Variants in XRCC4 observed in about 807,000 individuals in gnomAD.
XRCC4 encodes DNA repair protein XRCC4.
In XRCC4, 28 loss-of-function variants were observed where a neutral mutation model predicts 39.1. The observed-to-expected ratio is 0.72, with a 90% CI of 0.53 to 0.98. The LOEUF is 0.98. XRCC4 is among the 50% of genes least tolerant of loss of function. The pLI is 0.00. For missense variants in XRCC4, 350 were observed against 376.4 expected (o/e 0.93, Z 0.58); for synonymous variants, 123 against 126.4 (o/e 0.97, Z 0.18).
intron 6 of XRCC4, among the ~76,000 whole-genome samples, chr5:83,254,914 G>GT (rs1753473851): frequency 2.6e-5 from 4 of 151,766 alleles, no homozygotes; most frequent in African/African-American, 9.7e-5. Context: ...TGGTGAAACC[G>GT]TGTCTCTACT....
intron 6 of XRCC4, among the ~76,000 whole-genome samples, chr5:83,213,691 A>C (rs1751740635): frequency 6.6e-6 from 1 of 152,176 alleles, no homozygotes; most frequent in African/African-American, 2.4e-5. Flanking sequence ...AGGAGGAGCG[A>C]ACACTTCCCA....
intron 3 of XRCC4, among the ~76,000 whole-genome samples, chr5:83,168,451 C>T (rs755728827): frequency 6.6e-6 from 1 of 152,090 alleles, no homozygotes; most frequent in Non-Finnish European, 1.5e-5. Context: ...ACGCCTCTCT[C>T]AAAAACCAAT....
intron 7 of XRCC4, among the ~76,000 whole-genome samples, chr5:83,296,702 T>A (rs1755107298): frequency 6.6e-6 from 1 of 151,998 alleles, no homozygotes; most frequent in South Asian, 2.1e-4. Flanking sequence ...ATTAAAAATT[T>A]GGCCCTCTGG....
chr5:83,296,277 C>T (rs1263243940), intron 7 of XRCC4, among the ~76,000 whole-genome samples: 1 of 152,114 alleles, frequency 6.6e-6, no homozygotes, highest in Non-Finnish European at 1.5e-5. Flanking sequence ...CTTGAAGTCA[C>T]ATTTTCCCTT....
chr5:83,313,104 A>G (rs1755762576), intron 7 of XRCC4, among the ~76,000 whole-genome samples: 1 of 150,276 alleles, frequency 6.7e-6, no homozygotes, highest in Non-Finnish European at 1.5e-5. Context: ...TTACAATAAA[A>G]GTAACAATAC....
At chr5:83,168,764 AAAAG>A (rs1749597916) in intron 3 of XRCC4, among the ~76,000 whole-genome samples, 1 of 152,238 alleles carries the variant, frequency 6.6e-6, no homozygotes, top group African/African-American at 2.4e-5. Context: ...AGAAGACATT[AAAAG>A]AAAGATTATG....
intron 6 of XRCC4, among the ~76,000 whole-genome samples, chr5:83,220,682 T>C (rs1238346582): frequency 2.0e-5 from 3 of 152,040 alleles, no homozygotes; most frequent in Non-Finnish European, 4.4e-5. Context: ...TCAAGCCTTG[T>C]GGTAAAACTC....
intron 1 of XRCC4, among the ~76,000 whole-genome samples, chr5:83,100,686 G>T (rs1387742467): frequency 1.3e-5 from 2 of 152,058 alleles, no homozygotes; most frequent in Non-Finnish European, 2.9e-5. Context: ...AAAATGCTAT[G>T]CCACAAGTAG....
intron 3 of XRCC4, among the ~76,000 whole-genome samples, chr5:83,183,415 TGTG>T (rs1238180930): frequency 5.9e-5 from 2 of 33,894 alleles, no homozygotes; most frequent in Non-Finnish European, 1.1e-4. Flanking sequence ...CATTTATTTG[TGTG>T]TGTGTGTGTG....
chr5:83,238,001 T>C (rs1752755483), intron 6 of XRCC4, among the ~76,000 whole-genome samples: 1 of 152,166 alleles, frequency 6.6e-6, no homozygotes, highest in Non-Finnish European at 1.5e-5. Flanking sequence ...GGAATTAATC[T>C]TAGTAGAAAT....
intron 7 of XRCC4, among the ~76,000 whole-genome samples, chr5:83,321,844 T>G (rs1756086629): frequency 6.6e-6 from 1 of 151,864 alleles, no homozygotes; most frequent in African/African-American, 2.4e-5. Context: ...GTAATGTTCC[T>G]TATTATCCAT....
chr5:83,129,119 T>G (rs532286975), intron 3 of XRCC4, among the ~76,000 whole-genome samples: 1 of 151,944 alleles, frequency 6.6e-6, no homozygotes, highest in South Asian at 2.1e-4. Context: ...GTCTAATGTT[T>G]AAGTCTTTAA....
At chr5:83,080,640 T>C (rs1164506192) in intron 1 of XRCC4, among the ~76,000 whole-genome samples, 3 of 152,204 alleles carry the variant, frequency 2.0e-5, no homozygotes, top group African/African-American at 7.2e-5. Flanking sequence ...CCATGAATCA[T>C]CTCCTTGTTT....
chr5:83,299,297 C>T (rs1216466185), intron 7 of XRCC4, among the ~76,000 whole-genome samples: 1 of 151,998 alleles, frequency 6.6e-6, no homozygotes, highest in Non-Finnish European at 1.5e-5. Context: ...GGCGGTAATC[C>T]ATCTTTTCTT....
chr5:83,172,012 T>G (rs1422873127), intron 3 of XRCC4, among the ~76,000 whole-genome samples: 3 of 152,152 alleles, frequency 2.0e-5, no homozygotes, highest in Non-Finnish European at 4.4e-5. Context: ...TATTGAAAAA[T>G]CTTAAAATGT....
chr5:83,217,352 C>T (rs1169659016), intron 6 of XRCC4, among the ~76,000 whole-genome samples: 1 of 108,510 alleles, frequency 9.2e-6, no homozygotes, highest in African/African-American at 4.8e-5. Flanking sequence ...GAGCAAGACT[C>T]CGTCTCAAAA....
At chr5:83,090,074 A>G (rs535298194) in intron 1 of XRCC4, among the ~76,000 whole-genome samples, 1 of 152,240 alleles carries the variant, frequency 6.6e-6, no homozygotes, top group Admixed American at 6.5e-5. Context: ...TTTTTGAGAC[A>G]GGGTTTCACT....
intron 7 of XRCC4, among the ~76,000 whole-genome samples, chr5:83,279,488 T>C (rs1048787272): frequency 3.9e-5 from 6 of 152,214 alleles, no homozygotes; most frequent in Admixed American, 3.3e-4. Context: ...AAGTTTTTAC[T>C]TTAAATATGT....
At chr5:83,083,557 T>C (rs1745053145) in intron 1 of XRCC4, among the ~76,000 whole-genome samples, 1 of 151,966 alleles carries the variant, frequency 6.6e-6, no homozygotes, top group African/African-American at 2.4e-5. Flanking sequence ...TTTGTATTTT[T>C]AGTACAGACG....
Sources: allele counts gnomAD v4.1 joint callset (sites outside exome capture counted in the v4.1 genomes callset), GRCh38; gene constraint gnomAD v4.1.1; transcripts MANE v1.5; gene names NCBI Gene and HGNC (gene_info 2026-07-23, HGNC 2026-07-21).